FLG: variants seen among roughly 807,000 people sequenced by gnomAD.
FLG encodes the protein filaggrin.
Under a neutral mutation model 3.8 loss-of-function variants are expected in FLG, and 6 were observed. The ratio of observed to expected loss-of-function variants is 1.60; its 90% confidence interval spans 0.87 to 3.15. The LOEUF (loss-of-function observed/expected upper bound fraction) is 3.15. Among genes scored for constraint, FLG ranks in the 30% most tolerant of loss-of-function variants. The pLI is 0.00. For synonymous variants in FLG, 2,551 were observed against 1,931.6 expected (o/e 1.32, Z -8.41); for missense variants, 7,595 against 5,050.9 (o/e 1.50, Z -15.27).
chr1:152,307,640 A>G lies in FLG; in HGVS notation c.7246T>C (p.Tyr2416His). Residue 2416 changes from tyrosine to histidine, a missense_variant, in exon 3 of 3, where the codon TAC (tyrosine) becomes CAC (histidine). Tyr to His is a moderately conservative substitution (Grantham distance 83, BLOSUM62 2). Coordinates refer to ENST00000368799, the MANE Select transcript of FLG (RefSeq NM_002016.2). ...GRSGRSGSFLYQVSTHEQSES... is the reference protein window; with the variant it reads ...GRSGRSGSFLHQVSTHEQSES... ...GACTGTTCATGAGTGCTCACCTGGT[A>G]GAGGAAAGACCCTGAACGTCCAGAC... is the stretch of plus-strand genomic sequence containing the variant. 2 of 1,613,100 alleles carry G rather than the reference A, an allele frequency of 1.2e-6. No individual in the cohort carries two copies. The highest frequency in any genetic ancestry group is 2.2e-5 in the East Asian group (1 of 44,792).
In FLG at chr1:152,312,361, C is replaced by T. The variant is rs374217178; in HGVS notation, c.2525G>A (p.Arg842His). 24 of 1,611,370 alleles carry T rather than the reference C, an allele frequency of 1.5e-5. No individual in the cohort carries two copies. Among genetic ancestry groups the T allele is most frequent in the East Asian group, 1.1e-4 (5 of 44,670 alleles). ...SASQDGQDTI[R>H]GHPGSSRRGR... ...TCTTCTGCTTGACCCCGGGTGTCCA[C>T]GAATGGTGTCCTGACCATCTTGGGA... is the stretch of plus-strand genomic sequence containing the variant. Residue 842 changes from arginine (R) to histidine (H), a missense_variant, in exon 3 of 3, where the codon CGT becomes CAT. Transcript: ENST00000368799.
In FLG at chr1:152,316,149, G is replaced by T. The variant is rs1029914253; in HGVS notation, c.-21-672C>A. On this transcript the variant is annotated intron_variant, in intron 1 of 2. Transcript: ENST00000368799. ...TAAATCTAAGTGTGTATTATATAAA[G>T]AATTATAACTTTATTAGGACTTACA... Among the ~76,000 whole-genome samples the T allele has an allele frequency of 2.0e-5, 3 of 152,044 alleles. No individual in the cohort carries two copies. In the South Asian group the frequency reaches 6.2e-4, roughly 31 times the overall value.
In FLG at chr1:152,304,070, A is replaced by G. The variant is rs1227040062; in HGVS notation, c.10816T>C (p.Ser3606Pro). The change falls in exon 3 of 3, where the codon TCC (serine) becomes CCC (proline). Residue 3606 changes from serine to proline, a missense_variant. Physicochemically the swap from Ser to Pro is moderately conservative, Grantham distance 74. Coordinates refer to ENST00000368799, the MANE Select transcript of FLG (RefSeq NM_002016.2). ...GATGATGCAGCCTGTCCACCAGAGGAATTCTCTGCATGATGAGTGCCTGAT... is the reference window on the plus strand; with the variant it reads ...GATGATGCAGCCTGTCCACCAGAGGGATTCTCTGCATGATGAGTGCCTGAT... ...RQSGTHHAEN[S>P]SGGQAASSHE... 2 of 1,612,410 alleles carry G rather than the reference A, an allele frequency of 1.2e-6. No individual in the cohort carries two copies. The highest frequency in any genetic ancestry group is 1.7e-6 in the Non-Finnish European group (2 of 1,179,874).
Position 152,312,137 on chromosome 1 carries a change from A to T in FLG, c.2749T>A (p.Ser917Thr). ...RHSGSRHHEA[S>T]SHADISRHSQ... ...TGTCTAGAGATGTCGGCATGAGAGG[A>T]AGCTTCATGGTGACGTGACCCTGAG... Residue 917 changes from serine (S) to threonine (T), a missense_variant, in exon 3 of 3, where the codon TCC becomes ACC. Physicochemically the swap from Ser to Thr is moderately conservative, Grantham distance 58. Transcript: ENST00000368799. 6.2e-7 allele frequency: 1 copy of T among 1,613,786 alleles called. No homozygotes were observed. Among genetic ancestry groups the T allele is most frequent in the Non-Finnish European group, 8.5e-7 (1 of 1,179,946 alleles).
rs1652120001 is a variant in FLG at position 152,308,229 on chromosome 1, G to A, written c.6657C>T (p.Ser2219=). Residue 2219 remains serine, a synonymous_variant, in exon 3 of 3, where the codon AGC becomes AGT. Coordinates refer to ENST00000368799, the MANE Select transcript of FLG (RefSeq NM_002016.2). ...HHHEASSWAD[S]SRHSLVGQGQ... Reference sequence around the variant, plus strand: ...CCTGGCCCACCAGTGAGTGTCTAGAGCTGTCGGCCCAAGAGGAAGCTTCAT... The same window carrying A: ...CCTGGCCCACCAGTGAGTGTCTAGAACTGTCGGCCCAAGAGGAAGCTTCAT... The A allele has an allele frequency of 3.1e-6, 5 of 1,613,904 alleles. No homozygotes were observed. The highest frequency in any genetic ancestry group is 3.4e-6 in the Non-Finnish European group (4 of 1,179,944).
At chr1:152,321,858 T>A (rs1035959180) in intron 1 of FLG, among the ~76,000 whole-genome samples, 3 of 151,178 alleles carry the variant, frequency 2.0e-5, no homozygotes, top group Non-Finnish European at 4.5e-5. Flanking sequence ...AGAATCAAAA[T>A]TTTCAGGACA....
Position 152,312,873 on chromosome 1 carries a change from C to T in FLG, c.2013G>A (p.Gly671=). 1.9e-6 allele frequency: 3 copies of T among 1,614,064 alleles called. No homozygotes were observed. The highest frequency in any genetic ancestry group is 2.5e-6 in the Non-Finnish European group (3 of 1,180,016). Residue 671 remains glycine (G), a synonymous_variant, in exon 3 of 3, where the codon GGG becomes GGA. Coordinates refer to ENST00000368799, the MANE Select transcript of FLG (RefSeq NM_002016.2). ...RSHHEDRAGH[G]HSADSSRKSG... ...ATTTTCTGGAGCTGTCTGCAGAGTGCCCATGACCAGCTCTGTCTTCGTGAT... is the reference window on the plus strand; with the variant it reads ...ATTTTCTGGAGCTGTCTGCAGAGTGTCCATGACCAGCTCTGTCTTCGTGAT...
chr1:152,312,173 C>G lies in FLG; in HGVS notation c.2713G>C (p.Gly905Arg). Residue 905 changes from glycine (G) to arginine (R), a missense_variant, in exon 3 of 3, where the codon GGC (glycine) becomes CGC (arginine). Physicochemically the swap from Gly to Arg is moderately radical, Grantham distance 125. Transcript: ENST00000368799. ...TGACGTGACCCTGAGTGCCTGGAGCCGTCTCTTGATTGTTCCTCATTACGT... is the reference window on the plus strand; with the variant it reads ...TGACGTGACCCTGAGTGCCTGGAGCGGTCTCTTGATTGTTCCTCATTACGT... The part of the protein sequence containing the change: ...TTRNEEQSRD[G>R]SRHSGSRHHE... 6.2e-7 allele frequency: 1 copy of G among 1,613,212 alleles called. No homozygotes were observed. The highest frequency in any genetic ancestry group is 2.2e-5 in the East Asian group (1 of 44,758).
At position 152,313,436 on chromosome 1, in the gene FLG, G is replaced by T. The variant is rs113136594; in HGVS notation, c.1450C>A (p.Arg484=). The T allele has an allele frequency of 1.9e-6, 3 of 1,613,732 alleles. No individual in the cohort carries two copies. Among genetic ancestry groups the T allele is most frequent in the African/African-American group, 1.3e-5 (1 of 74,868 alleles). Residue 484 remains arginine, a synonymous_variant, in exon 3 of 3, where the codon CGG becomes AGG. Coordinates refer to ENST00000368799, the MANE Select transcript of FLG (RefSeq NM_002016.2). Reference sequence around the variant, plus strand: ...CTTCCTCCAGTGCTGGTCCCGGTCCGTCCATGGGCAGAGTCAGGCTGTTCA... The same window carrying T: ...CTTCCTCCAGTGCTGGTCCCGGTCCTTCCATGGGCAGAGTCAGGCTGTTCA... ...THEQPDSAHG[R]TGTSTGGRQG...
chr1:152,303,773 C>G lies in FLG; in HGVS notation c.11113G>C (p.Gly3705Arg), dbSNP rs535514403. 2 of 1,613,712 alleles carry G rather than the reference C, an allele frequency of 1.2e-6. No individual in the cohort carries two copies. Among genetic ancestry groups the G allele is most frequent in the Admixed American group, 3.3e-5 (2 of 59,912 alleles). ...STRGRSAGRS[G>R]RSGSFLYQVS... is the part of the protein sequence containing the mutation. ...TGGTAGAGGAAAGACCCTGAACGTC[C>G]AGACCTTCCTGCTGACCGGCCACGT... Residue 3705 changes from glycine (G) to arginine (R), a missense_variant, in exon 3 of 3, where the codon GGA becomes CGA. Transcript: ENST00000368799.
chr1:152,310,236 T>C lies in FLG; in HGVS notation c.4650A>G (p.Ser1550=), dbSNP rs747801575. ...ASRQTRNEEQ[S]GDGSRHSGSR... ...ACCCTGAGTGCCTGGAGCCGTCTCC[T>C]GATTGTTCCTCATTTCTTGTTTGCC... The change falls in exon 3 of 3, where the codon TCA becomes TCG. Residue 1550 remains serine (S), a synonymous_variant. Coordinates refer to ENST00000368799, the MANE Select transcript of FLG (RefSeq NM_002016.2). The C allele has an allele frequency of 1.2e-6, 2 of 1,613,934 alleles. No individual in the cohort carries two copies. The highest frequency in any genetic ancestry group is 1.7e-5 in the Admixed American group (1 of 60,010).
rs1652450485 is a variant in FLG, at chr1:152,311,832, A to T, written c.3054T>A (p.Ala1018=). The part of the protein sequence containing the change: ...PHAETSSGGQ[A]ASSHEQARSS... ...ATCTTGCCTGTTCATGGGATGACGC[A>T]GCCTGTCCACCAGAGGAAGTCTCTG... The change falls in exon 3 of 3, where the codon GCT becomes GCA. Residue 1018 remains alanine (A), a synonymous_variant. Transcript: ENST00000368799. 6.2e-7 allele frequency: 1 copy of T among 1,613,946 alleles called. No homozygotes were observed. Among genetic ancestry groups the T allele is most frequent in the African/African-American group, 1.3e-5 (1 of 74,890 alleles).
chr1:152,315,503 T>G (rs759181880), intron 1 of FLG, 26 bp from the exon 2 acceptor site: 3 of 1,541,526 alleles, frequency 1.9e-6, no homozygotes, highest in South Asian at 2.3e-5. Context: ...GAAAATGCAC[T>G]TTTTTATACA....
Position 152,313,428 on chromosome 1 carries a change from C to A in FLG, c.1458G>T (p.Gly486=), listed in dbSNP as rs377355007. Residue 486 remains glycine (G), a synonymous_variant, in exon 3 of 3, where the codon GGG becomes GGT. Coordinates refer to ENST00000368799, the MANE Select transcript of FLG (RefSeq NM_002016.2). ...ATCCTTGTCTTCCTCCAGTGCTGGT[C>A]CCGGTCCGTCCATGGGCAGAGTCAG... is the stretch of plus-strand genomic sequence containing the variant. ...EQPDSAHGRT[G]TSTGGRQGSH... 3 of 1,613,770 alleles carry A rather than the reference C, an allele frequency of 1.9e-6. No homozygotes were observed. The highest frequency in any genetic ancestry group is 2.5e-6 in the Non-Finnish European group (3 of 1,179,942).
Position 152,314,277 on chromosome 1 carries a change from T to A in FLG, c.609A>T (p.Arg203Ser), listed in dbSNP as rs1346229354. 1.2e-6 allele frequency: 2 copies of A among 1,613,750 alleles called. No homozygotes were observed. Among genetic ancestry groups the A allele is most frequent in the Non-Finnish European group, 1.7e-6 (2 of 1,179,938 alleles). The change falls in exon 3 of 3, where the codon AGA becomes AGT. Residue 203 changes from arginine (R) to serine (S), a missense_variant. By Grantham distance (110) the Arg-to-Ser change is moderately radical. Transcript: ENST00000368799. ...CTTCATTGTCTTCTTTCTCTTCAAGTCTTTCACTTAGCCTCTTCCTATTGT... is the reference window on the plus strand; with the variant it reads ...CTTCATTGTCTTCTTTCTCTTCAAGACTTTCACTTAGCCTCTTCCTATTGT... ...LGDNRKRLSERLEEKEDNEEG... is the reference protein window; with the variant it reads ...LGDNRKRLSESLEEKEDNEEG...
Position 152,314,259 on chromosome 1 carries a change from G to A in FLG, c.627C>T (p.Asp209=), listed in dbSNP as rs149803024. Residue 209 remains aspartate (D), a synonymous_variant, in exon 3 of 3, where the codon GAC becomes GAT. Coordinates refer to ENST00000368799, the MANE Select transcript of FLG (RefSeq NM_002016.2). ...CATAATCATATACTCCTTCTTCATTGTCTTCTTTCTCTTCAAGTCTTTCAC... is the reference window on the plus strand; with the variant it reads ...CATAATCATATACTCCTTCTTCATTATCTTCTTTCTCTTCAAGTCTTTCAC... ...RLSERLEEKE[D]NEEGVYDYEN... 1 of 1,612,892 alleles carries A rather than the reference G, an allele frequency of 6.2e-7. No individual in the cohort carries two copies. The highest frequency in any genetic ancestry group is 1.3e-5 in the African/African-American group (1 of 74,760).
In FLG at chr1:152,310,616, T is replaced by A. The variant is rs1165737951; in HGVS notation, c.4270A>T (p.Lys1424Ter). 1 of 1,613,806 alleles carries A rather than the reference T, an allele frequency of 6.2e-7. No individual in the cohort carries two copies. Among genetic ancestry groups the A allele is most frequent in the South Asian group, 1.1e-5 (1 of 91,044 alleles). Residue 1424 changes from lysine to a stop codon, truncating the protein, a stop_gained, in exon 3 of 3, where the codon AAA becomes TAA. Coordinates refer to ENST00000368799, the MANE Select transcript of FLG (RefSeq NM_002016.2). LOFTEE classifies it low-confidence loss of function (END_TRUNC). ...CCTGACTGGCCACGTGCGGACTCTT[T>A]GTGGCTCTGCTGATGGGGCCCAGCT... ...GQAGPHQQSH[K>*]ESARGQSGES...
In FLG at chr1:152,313,484, A is replaced by T. The variant is rs1374732598; in HGVS notation, c.1402T>A (p.Ser468Thr). 1.9e-6 allele frequency: 3 copies of T among 1,613,524 alleles called. 1 individual carries two copies. The South Asian group carries it at 3.3e-5, about 18-fold the overall frequency. ...TCATGAGTGCTCACCTGGTAGAGGGAAGACCCTGAACGTCCAGACCGTTCC... is the reference window on the plus strand; with the variant it reads ...TCATGAGTGCTCACCTGGTAGAGGGTAGACCCTGAACGTCCAGACCGTTCC... ...SGERSGRSGS[S>T]LYQVSTHEQP... The change falls in exon 3 of 3, where the codon TCC becomes ACC. Residue 468 changes from serine to threonine, a missense_variant. Coordinates refer to ENST00000368799, the MANE Select transcript of FLG (RefSeq NM_002016.2).
rs151199504 is a variant in FLG at position 152,309,762 on chromosome 1, G to A, written c.5124C>T (p.Asp1708=). Residue 1708 remains aspartate (D), a synonymous_variant, in exon 3 of 3, where the codon GAC becomes GAT. Coordinates refer to ENST00000368799, the MANE Select transcript of FLG (RefSeq NM_002016.2). ...GRRQDSSVVG[D]SGNRGSSGSQ... ...TACCACTGGACCCTCGGTTTCCACT[G>A]TCTCCGACTACAGATGAATCTTGTC... The A allele has an allele frequency of 3.0e-5, 48 of 1,613,630 alleles. No homozygotes were observed. The highest frequency in any genetic ancestry group is 6.7e-5 in the African/African-American group (5 of 74,764).
Sources: gnomAD v4.1 joint callset for allele counts (sites outside exome capture counted in the v4.1 genomes callset) on GRCh38, gnomAD v4.1.1 for gene constraint, MANE v1.5 for transcripts, NCBI Gene and HGNC (gene_info 2026-07-23, HGNC 2026-07-21) for gene names.